NNMT: variants seen among roughly 807,000 people sequenced by gnomAD.
NNMT encodes nicotinamide N-methyltransferase.
Under a neutral mutation model 11.7 loss-of-function variants are expected in NNMT, and 10 were observed. The ratio of observed to expected loss-of-function variants is 0.85; its 90% CI spans 0.53 to 1.45. NNMT has a LOEUF of 1.45. NNMT is among the 40% of genes most tolerant of loss of function. NNMT has a pLI of 0.00. For synonymous variants in NNMT, 143 were observed against 133.8 expected (o/e 1.07, Z -0.48); for missense variants, 381 against 319.4 (o/e 1.19, Z -1.47).
chr11:114,266,147 G>T (rs963556649), intron 2 of NNMT, among the ~76,000 whole-genome samples: 2 of 152,048 alleles, frequency 1.3e-5, no homozygotes, highest in Non-Finnish European at 2.9e-5. Context: ...GTTATTACCT[G>T]AACACATCTC....
chr11:114,280,236 A>G (rs1945249475), intron 2 of NNMT, among the ~76,000 whole-genome samples: 1 of 152,184 alleles, frequency 6.6e-6, no homozygotes, highest in Non-Finnish European at 1.5e-5. Flanking sequence ...GAGAAGCCCT[A>G]AAAGTAGAAA....
intron 2 of NNMT, among the ~76,000 whole-genome samples, chr11:114,301,780 G>A (rs538861271): frequency 1.3e-5 from 2 of 151,908 alleles, no homozygotes; most frequent in East Asian, 3.9e-4. Flanking sequence ...GGTGATAATG[G>A]TATGCCAATG....
chr11:114,289,938 G>T (rs975968115), intron 2 of NNMT, among the ~76,000 whole-genome samples: 4 of 152,158 alleles, frequency 2.6e-5, no homozygotes, highest in African/African-American at 9.7e-5. Flanking sequence ...TCAGTGTCTG[G>T]TGAGGGCCTG....
intron 2 of NNMT, among the ~76,000 whole-genome samples, chr11:114,287,135 T>G (rs1291153323): frequency 6.6e-6 from 1 of 152,224 alleles, no homozygotes; most frequent in Non-Finnish European, 1.5e-5. Flanking sequence ...TTGTCAGAAT[T>G]CATAAATTCT....
intron 2 of NNMT, among the ~76,000 whole-genome samples, chr11:114,263,546 T>C (rs1460984855): frequency 6.6e-6 from 1 of 152,076 alleles, no homozygotes; most frequent in Non-Finnish European, 1.5e-5. Flanking sequence ...CTGAAGAGTA[T>C]CTCAAAATCA....
At chr11:114,301,958 G>T (rs962948526) in intron 2 of NNMT, among the ~76,000 whole-genome samples, 27 of 151,952 alleles carry the variant, frequency 1.8e-4, no homozygotes, top group Non-Finnish European at 7.4e-5. Context: ...AAAAAACAGA[G>T]AAATAAGTGT....
chr11:114,284,547 T>TCCGCC (rs1356834900), intron 2 of NNMT, among the ~76,000 whole-genome samples: 2 of 152,044 alleles, frequency 1.3e-5, no homozygotes, highest in Non-Finnish European at 2.9e-5. Flanking sequence ...CACTGCAACC[T>TCCGCC]CCGCCTCCTG....
intron 1 of NNMT, among the ~76,000 whole-genome samples, chr11:114,261,430 A>G (rs1945079588): frequency 6.6e-6 from 1 of 152,132 alleles, no homozygotes. Flanking sequence ...AAAAATAAAA[A>G]TAAATTAGCC....
chr11:114,266,125 G>A (rs1428397793), intron 2 of NNMT, among the ~76,000 whole-genome samples: 7 of 151,938 alleles, frequency 4.6e-5, no homozygotes, highest in South Asian at 2.1e-4. Flanking sequence ...ATTTCTTCTC[G>A]GGAAATTGTC....
At chr11:114,309,579 ATCTCTC>A (rs66809545) in intron 2 of NNMT, among the ~76,000 whole-genome samples, 15 of 151,322 alleles carry the variant, frequency 9.9e-5, no homozygotes, top group South Asian at 4.2e-4. Context: ...TGCTAAGCTC[ATCTCTC>A]TCTCTCTCTC....
Position 114,296,581 on chromosome 11 carries a change from G to A in NNMT, c.25G>A (p.Asp9Asn). The A allele has an allele frequency of 6.2e-7, 1 of 1,614,066 alleles. No homozygotes were observed. Among genetic ancestry groups the A allele is most frequent in the Non-Finnish European group, 8.5e-7 (1 of 1,180,028 alleles). The change falls in exon 1 of 3, where the codon GAC becomes AAC. Residue 9 changes from aspartate (D) to asparagine (N), a missense_variant. Coordinates refer to ENST00000299964, the MANE Select transcript of NNMT (RefSeq NM_006169.3). ...AATGGAATCAGGCTTCACCTCCAAG[G>A]ACACCTATCTAAGCCATTTTAACCC... MESGFTSK[D>N]TYLSHFNPRD...
chr11:114,268,219 C>T (rs1211435042), intron 2 of NNMT, among the ~76,000 whole-genome samples: 1 of 152,196 alleles, frequency 6.6e-6, no homozygotes, highest in East Asian at 1.9e-4. Flanking sequence ...CAACAGTGAC[C>T]TTGTTTCCTC....
chr11:114,285,779 C>G (rs938383603), intron 2 of NNMT, among the ~76,000 whole-genome samples: 2 of 152,162 alleles, frequency 1.3e-5, no homozygotes, highest in Non-Finnish European at 2.9e-5. Context: ...GTGAATACCC[C>G]ACCCACAATT....
chr11:114,308,750 G>A (rs950883598), intron 2 of NNMT, among the ~76,000 whole-genome samples: 11 of 152,152 alleles, frequency 7.2e-5, no homozygotes, highest in African/African-American at 2.7e-4. Context: ...TCTCTGGTGA[G>A]TCCATTTCCC....
At chr11:114,263,272 A>G (rs2135241068) in intron 2 of NNMT, among the ~76,000 whole-genome samples, 1 of 152,308 alleles carries the variant, frequency 6.6e-6, no homozygotes, top group Non-Finnish European at 1.5e-5. Flanking sequence ...CCCTGTTTCT[A>G]AGAGAAAAAA....
chr11:114,271,267 G>A (rs1343409583), intron 2 of NNMT, among the ~76,000 whole-genome samples: 1 of 152,118 alleles, frequency 6.6e-6, no homozygotes, highest in African/African-American at 2.4e-5. Flanking sequence ...GTGTAAAGGG[G>A]ATGTTGCAAC....
At chr11:114,277,870 AG>A (rs35379001) in intron 2 of NNMT, among the ~76,000 whole-genome samples, 2 of 152,210 alleles carry the variant, frequency 1.3e-5, no homozygotes, top group Admixed American at 1.3e-4. Context: ...ACCTTTGCCC[AG>A]GGTTGGTCCT....
chr11:114,272,132 C>A (rs560032779), intron 2 of NNMT, among the ~76,000 whole-genome samples: 64 of 152,230 alleles, frequency 4.2e-4, no homozygotes, highest in African/African-American at 1.3e-3. Context: ...CCCGGGGGAT[C>A]AGATGGTTTG....
intron 2 of NNMT, among the ~76,000 whole-genome samples, chr11:114,271,921 A>G (rs1165906752): frequency 6.6e-6 from 1 of 152,068 alleles, no homozygotes; most frequent in African/African-American, 2.4e-5. Flanking sequence ...GCTGCTAAAA[A>G]GCCTGGGGGT....
Sources: gnomAD v4.1 joint callset for allele counts (sites outside exome capture counted in the v4.1 genomes callset) on GRCh38, gnomAD v4.1.1 for gene constraint, MANE v1.5 for transcripts, NCBI Gene and HGNC (gene_info 2026-07-23, HGNC 2026-07-21) for gene names.